The following PPIP5K1 variants were observed in gnomAD, a reference collection of about 807,000 sequenced individuals.
The protein encoded by PPIP5K1 is diphosphoinositol pentakisphosphate kinase 1.
In PPIP5K1, 6 loss-of-function variants were observed where a neutral mutation model predicts 27.7. The observed-to-expected ratio is 0.22, with a 90% CI of 0.12 to 0.43. The LOEUF (loss-of-function observed/expected upper bound fraction) is 0.43. PPIP5K1 is among the 20% of genes least tolerant of loss of function. The pLI, the probability that PPIP5K1 is intolerant of heterozygous loss-of-function variation, is 1.00. For synonymous variants in PPIP5K1, 145 were observed against 242.6 expected (o/e 0.60, Z 3.74); for missense variants, 394 against 635.4 (o/e 0.62, Z 4.08).
intron 30 of PPIP5K1, among the ~76,000 whole-genome samples, chr15:43,556,936 A>G (rs1039438741): frequency 6.6e-6 from 1 of 152,090 alleles, no homozygotes; most frequent in Admixed American, 6.5e-5. Flanking sequence ...ATCTTTTACT[A>G]TTCTCCAGAG....
intron 31 of PPIP5K1, among the ~76,000 whole-genome samples, chr15:43,537,739 G>GGTTTT (rs2080104893): frequency 6.8e-6 from 1 of 147,474 alleles, no homozygotes; most frequent in Admixed American, 6.8e-5. Context: ...AGAAGATCAT[G>GGTTTT]GTTTTGAACC....
Position 43,535,424 on chromosome 15 carries a change from A to C in PPIP5K1, c.3723T>G (p.Thr1241=). Reference sequence around the variant, plus strand: ...CAAATTGGGAGTTACCATCTACTGTAGTAGGGGAAGAAGGACCAGCACTGG... The same window carrying C: ...CAAATTGGGAGTTACCATCTACTGTCGTAGGGGAAGAAGGACCAGCACTGG... ...TVSSAGPSSP[T]TVDGNSQFGF... is the part of the protein sequence containing the mutation. Residue 1241 remains threonine (T), a synonymous_variant, in exon 32 of 32, where the codon ACT becomes ACG. Coordinates refer to ENST00000420765, the MANE Select transcript of PPIP5K1 (RefSeq NM_001394395.1). The C allele has an allele frequency of 1.9e-6, 3 of 1,612,034 alleles. No homozygotes were observed. Among genetic ancestry groups the C allele is most frequent in the South Asian group, 1.1e-5 (1 of 90,796 alleles).
At chr15:43,537,051 G>C (rs879562770) in intron 31 of PPIP5K1, among the ~76,000 whole-genome samples, 2 of 151,776 alleles carry the variant, frequency 1.3e-5, no homozygotes, top group African/African-American at 4.8e-5. Context: ...ACAATCAAAG[G>C]AGGGGCTGGA....
chr15:43,557,296 A>C (rs780799089), intron 30 of PPIP5K1, among the ~76,000 whole-genome samples: 12 of 152,076 alleles, frequency 7.9e-5, no homozygotes, highest in Non-Finnish European at 1.3e-4. Flanking sequence ...AAAATACAAA[A>C]ATTAGCCAGG....
chr15:43,540,315 G>A (rs1270432525), intron 30 of PPIP5K1, among the ~76,000 whole-genome samples: 1 of 150,384 alleles, frequency 6.6e-6, no homozygotes, highest in Non-Finnish European at 1.5e-5. Flanking sequence ...CTGTAAACCA[G>A]CACTTTGGGA....
intron 30 of PPIP5K1, among the ~76,000 whole-genome samples, chr15:43,540,858 T>C (rs1346938143): frequency 2.0e-5 from 2 of 98,530 alleles, no homozygotes; most frequent in African/African-American, 7.4e-5. Flanking sequence ...AGAGACTCTG[T>C]CTCAAAAAAA....
chr15:43,557,637 T>G (rs188160534), intron 30 of PPIP5K1, among the ~76,000 whole-genome samples: 1 of 151,994 alleles, frequency 6.6e-6, no homozygotes, highest in Admixed American at 6.6e-5. Context: ...TTTTCAGGGT[T>G]TTTTCTCTCT....
At chr15:43,538,549 C>T (rs1161577492) in intron 31 of PPIP5K1, among the ~76,000 whole-genome samples, 1 of 149,978 alleles carries the variant, frequency 6.7e-6, no homozygotes, top group Non-Finnish European at 1.5e-5. Flanking sequence ...GTTTTTGAGA[C>T]GGAGTCTCAC....
Position 43,559,049 on chromosome 15 carries a change from T to C in PPIP5K1, c.3419-117A>G. On this transcript the variant is annotated intron_variant, in intron 29 of 31. Coordinates refer to ENST00000420765, the MANE Select transcript of PPIP5K1 (RefSeq NM_001394395.1). ...AGGAGAGTCCGTGGCTTTTGGAGTGTTGGGTATCCAAGACTCTTAGGAGAG... is the reference window on the plus strand; with the variant it reads ...AGGAGAGTCCGTGGCTTTTGGAGTGCTGGGTATCCAAGACTCTTAGGAGAG... 5 of 1,267,694 alleles carry C rather than the reference T, an allele frequency of 3.9e-6. No homozygotes were observed. In the South Asian group the frequency reaches 4.0e-5, roughly 10 times the overall value. The allele number at this position is 1,267,694 out of a possible 1,614,324, so 78.5% of individuals were successfully genotyped here.
Position 43,535,370 on chromosome 15 carries a change from T to G in PPIP5K1, c.3777A>C (p.Ser1259=). ...GGCCTTGATGTTCTTCAGCCACGTG[T>G]GAATTTAGGGAGGGTTGATCACTGA... ...FGFSDQPSLN[S]HVAEEHQGLG... is the part of the protein sequence containing the mutation. The change falls in exon 32 of 32, where the codon TCA becomes TCC. Residue 1259 remains serine, a synonymous_variant. Coordinates refer to ENST00000420765, the MANE Select transcript of PPIP5K1 (RefSeq NM_001394395.1). 1 of 1,614,146 alleles carries G rather than the reference T, an allele frequency of 6.2e-7. No individual in the cohort carries two copies. The highest frequency in any genetic ancestry group is 8.5e-7 in the Non-Finnish European group (1 of 1,180,028).
At chr15:43,553,942 G>A (rs761198603) in intron 30 of PPIP5K1, among the ~76,000 whole-genome samples, 2 of 152,094 alleles carry the variant, frequency 1.3e-5, no homozygotes, top group Non-Finnish European at 2.9e-5. Flanking sequence ...ACCTCGCCTG[G>A]CCACTTCCTT....
rs961977418 is a variant in PPIP5K1, at chr15:43,553,471, T to C, written c.3556+5324A>G. 5.9e-5 allele frequency among the ~76,000 whole-genome samples: 9 copies of C among 152,248 alleles called. No individual in the cohort carries two copies. In the South Asian group the frequency reaches 6.2e-4, roughly 11 times the overall value. On this transcript the variant is annotated intron_variant, in intron 30 of 31. Transcript: ENST00000420765. The stretch of plus-strand genomic sequence containing the variant: ...AGTCCTCTCACCTTAGCCCCTCGGA[T>C]AGCTGGGACTACAGGCATGTGCCAC...
At chr15:43,555,118 T>C (rs1012258016) in intron 30 of PPIP5K1, among the ~76,000 whole-genome samples, 2 of 152,166 alleles carry the variant, frequency 1.3e-5, no homozygotes, top group Non-Finnish European at 2.9e-5. Flanking sequence ...ATTACAGGCG[T>C]GAGCCACCAT....
chr15:43,545,916 C>CATATCCAT (rs1297335951), intron 30 of PPIP5K1, among the ~76,000 whole-genome samples: 1 of 152,078 alleles, frequency 6.6e-6, no homozygotes, highest in African/African-American at 2.4e-5. Flanking sequence ...GAAGAAACCC[C>CATATCCAT]ATATCCATTA....
At chr15:43,580,552 G>A (rs531420423) in intron 10 of PPIP5K1, among the ~76,000 whole-genome samples, 2 of 126,256 alleles carry the variant, frequency 1.6e-5, no homozygotes, top group South Asian at 2.4e-4. Flanking sequence ...AGCCTGAGGA[G>A]CCCTTCCTTT....
intron 31 of PPIP5K1, among the ~76,000 whole-genome samples, chr15:43,539,237 C>A (rs768445450): frequency 8.6e-5 from 13 of 151,544 alleles, no homozygotes; most frequent in Non-Finnish European, 1.6e-4. Context: ...CTGCAGAAAA[C>A]CTTCTCTCCA....
intron 23 of PPIP5K1, 67 bp downstream of exon 23, chr15:43,572,701 GT>G (rs879092116): frequency 0.011 from 5,105 of 465,628 alleles, no homozygotes; most frequent in Middle Eastern, 0.017. Context: ...GGATAAGCAA[GT>G]TTTTTTTTTT....
rs745615814 is a variant in PPIP5K1 at position 43,535,290 on chromosome 15, C to G, written c.3857G>C (p.Gly1286Ala). Residue 1286 changes from glycine (G) to alanine (A), a missense_variant, in exon 32 of 32, where the codon GGG becomes GCG. Gly to Ala is a moderately conservative substitution (Grantham distance 60). Around this residue, in one of 4 missense-constraint regions of PPIP5K1, gnomAD observed 379 missense variants for 423.9 expected, o/e 0.89. Coordinates refer to ENST00000420765, the MANE Select transcript of PPIP5K1 (RefSeq NM_001394395.1). ...ATTTGGTTCAAAAAGCTCTTGCTCC[C>G]CTTCTATGGAGAGCTCTTGTGCTCC... The part of the protein sequence containing the change: ...GSGAQELSIE[G>A]EQELFEPNQS... 10 of 1,614,150 alleles carry G rather than the reference C, an allele frequency of 6.2e-6. No homozygotes were observed. The highest frequency in any genetic ancestry group is 8.5e-6 in the Non-Finnish European group (10 of 1,180,024).
rs192240517 is a variant in PPIP5K1 at position 43,557,140 on chromosome 15, G to A, written c.3556+1655C>T. Among the ~76,000 whole-genome samples, 6 of 152,120 alleles carry A rather than the reference G, an allele frequency of 3.9e-5. No homozygotes were observed. In the East Asian group the frequency reaches 5.8e-4, roughly 15 times the overall value. On this transcript the variant is annotated intron_variant, in intron 30 of 31. Transcript: ENST00000420765. ...CAAATGCCTATTCAATTTACCCCCCGTCCATTTACTGAAAAGTCTTTCTGG... is the reference window on the plus strand; with the variant it reads ...CAAATGCCTATTCAATTTACCCCCCATCCATTTACTGAAAAGTCTTTCTGG...
Sources: gnomAD v4.1 joint callset for allele counts (sites outside exome capture counted in the v4.1 genomes callset) on GRCh38, gnomAD v4.1.1 for gene constraint, gnomAD v4.1.1 regional missense constraint, MANE v1.5 for transcripts, NCBI Gene and HGNC (gene_info 2026-07-23, HGNC 2026-07-21) for gene names.